The following MNAT1 variants were observed in gnomAD, a reference collection of about 807,000 sequenced individuals.
The protein encoded by MNAT1 is MNAT1 component of CDK activating kinase.
In MNAT1, 43 loss-of-function variants were observed where a neutral mutation model predicts 42.0. The ratio of observed to expected loss-of-function variants is 1.02; its 90% confidence interval spans 0.80 to 1.32. MNAT1 has a LOEUF of 1.32. Among genes scored for constraint, MNAT1 ranks in the 40% most tolerant of loss-of-function variants. The pLI is 0.00. For synonymous variants in MNAT1, 118 were observed against 120.0 expected, an observed-to-expected ratio of 0.98 and a Z score of 0.11; for missense variants, 306 against 350.4, an observed-to-expected ratio of 0.87 and a Z score of 1.01.
At chr14:60,792,858 G>T (rs763892963) in intron 1 of MNAT1, among the ~76,000 whole-genome samples, 17 of 152,104 alleles carry the variant, frequency 1.1e-4, no homozygotes, top group Non-Finnish European at 2.1e-4. Context: ...GAAAATTTGG[G>T]CTTCTTCAGC....
At position 60,803,785 on chromosome 14, in the gene MNAT1, T is replaced by C. The variant is rs1417963409; in HGVS notation, c.317-4540T>C. ...TGGAGATTGAAGTAATTTTGTTGTA[T>C]AAATTTCATTATGAATCTTTTGAAT... On this transcript the variant is annotated intron_variant, in intron 3 of 7. Transcript: ENST00000261245. Among the ~76,000 whole-genome samples, 9 of 152,312 alleles carry C rather than the reference T, an allele frequency of 5.9e-5. No individual in the cohort carries two copies. In the East Asian group the frequency reaches 1.7e-3, roughly 29 times the overall value.
chr14:60,963,286 G>A (rs530893977), intron 7 of MNAT1, among the ~76,000 whole-genome samples: 2 of 152,136 alleles, frequency 1.3e-5, no homozygotes, highest in Non-Finnish European at 2.9e-5. Context: ...AGCCGGCCAT[G>A]TATTTTTATA....
intron 7 of MNAT1, among the ~76,000 whole-genome samples, chr14:60,945,781 C>T (rs1177220000): frequency 6.6e-6 from 1 of 152,132 alleles, no homozygotes; most frequent in Non-Finnish European, 1.5e-5. Context: ...CAGATTGGTG[C>T]CATTCAGGTA....
At chr14:60,823,723 G>T (rs2032972242) in intron 6 of MNAT1, among the ~76,000 whole-genome samples, 1 of 152,132 alleles carries the variant, frequency 6.6e-6, no homozygotes, top group African/African-American at 2.4e-5. Flanking sequence ...GCCAGGCTTG[G>T]TGGCAGGCGC....
rs140689388 is a variant in MNAT1, at chr14:60,871,961, G to A, written c.688-7753G>A. On this transcript the variant is annotated intron_variant, in intron 6 of 7. Coordinates refer to ENST00000261245, the MANE Select transcript of MNAT1 (RefSeq NM_002431.4). ...TATAGGTAGTATTCTGAATTTGATCGAATTATAAAATATGTGGCTTGCAAG... is the reference window on the plus strand; with the variant it reads ...TATAGGTAGTATTCTGAATTTGATCAAATTATAAAATATGTGGCTTGCAAG... Among the ~76,000 whole-genome samples the A allele has an allele frequency of 2.8e-4, 42 of 152,178 alleles. No homozygotes were observed. The East Asian group carries it at 6.6e-3, about 24-fold the overall frequency.
rs1394647314 is a variant in MNAT1, at chr14:60,780,203, T to G, written c.90-16014T>G. The G allele has an allele frequency of 5.4e-6, 8 of 1,471,608 alleles. No individual in the cohort carries two copies. In the Admixed American group the frequency reaches 1.3e-4, roughly 25 times the overall value. 91.2% of individuals were successfully genotyped at this position (1,471,608 alleles called of 1,614,324 possible). ...TGTGGTGGAACAACTAAAAGATTGG[T>G]TATACAAGTGTTCAGTTCAGAAACT... On this transcript the variant is annotated intron_variant, in intron 1 of 7. Coordinates refer to ENST00000261245, the MANE Select transcript of MNAT1 (RefSeq NM_002431.4).
intron 7 of MNAT1, among the ~76,000 whole-genome samples, chr14:60,931,939 A>C (rs533493882): frequency 6.6e-6 from 1 of 152,064 alleles, no homozygotes; most frequent in African/African-American, 2.4e-5. Context: ...AGTCATTTTG[A>C]GAATTAAGTG....
chr14:60,779,105 A>C (rs2031353379), intron 1 of MNAT1, among the ~76,000 whole-genome samples: 2 of 152,146 alleles, frequency 1.3e-5, no homozygotes, highest in Non-Finnish European at 2.9e-5. Flanking sequence ...CAAAATCACT[A>C]GGGAAGAAAA....
At chr14:60,760,900 G>T (rs1387732489) in intron 1 of MNAT1, among the ~76,000 whole-genome samples, 2 of 152,156 alleles carry the variant, frequency 1.3e-5, no homozygotes, top group African/African-American at 4.8e-5. Flanking sequence ...TTTCATGATG[G>T]TAGCCTAGGT....
chr14:60,816,610 A>G (rs1042770563), intron 5 of MNAT1, among the ~76,000 whole-genome samples: 4 of 152,110 alleles, frequency 2.6e-5, no homozygotes, highest in Admixed American at 6.5e-5. Flanking sequence ...CAGGCAATTA[A>G]TACAGGTTAG....
chr14:60,743,393 ATTC>A (rs1037352571), intron 1 of MNAT1, among the ~76,000 whole-genome samples: 2 of 151,982 alleles, frequency 1.3e-5, no homozygotes, highest in Non-Finnish European at 2.9e-5. Context: ...GGTTCAAGCG[ATTC>A]TCCTGCCTCA....
intron 1 of MNAT1, among the ~76,000 whole-genome samples, chr14:60,742,059 C>T (rs76859743): frequency 7.9e-5 from 12 of 151,572 alleles, no homozygotes; most frequent in Non-Finnish European, 1.6e-4. Context: ...GCCTATTAGC[C>T]GGTAGCTTTT....
chr14:60,826,328 T>G (rs1023824872), intron 6 of MNAT1, among the ~76,000 whole-genome samples: 4 of 147,150 alleles, frequency 2.7e-5, no homozygotes, highest in Admixed American at 6.7e-5. Context: ...TTTTTTTTTT[T>G]TTTTTTGAGA....
intron 1 of MNAT1, among the ~76,000 whole-genome samples, chr14:60,770,517 G>A (rs1295315202): frequency 6.6e-6 from 1 of 152,002 alleles, no homozygotes; most frequent in Non-Finnish European, 1.5e-5. Flanking sequence ...CATAATGATT[G>A]CACCATTTTA....
intron 7 of MNAT1, among the ~76,000 whole-genome samples, chr14:60,927,725 G>A (rs1393186181): frequency 6.6e-6 from 1 of 152,076 alleles, no homozygotes; most frequent in Non-Finnish European, 1.5e-5. Context: ...TCTGCTCATT[G>A]TTGCTGCCTC....
At chr14:60,786,741 C>G (rs1041185972) in intron 1 of MNAT1, among the ~76,000 whole-genome samples, 1 of 152,110 alleles carries the variant, frequency 6.6e-6, no homozygotes, top group Non-Finnish European at 1.5e-5. Context: ...AAACTAGATT[C>G]TCACATCTGC....
At chr14:60,952,322 ATG>A (rs1046798424) in intron 7 of MNAT1, among the ~76,000 whole-genome samples, 2 of 152,194 alleles carry the variant, frequency 1.3e-5, no homozygotes, top group Non-Finnish European at 2.9e-5. Context: ...AATCCAATGA[ATG>A]TCTTTTTGCG....
At chr14:60,822,796 G>A (rs999599210) in intron 6 of MNAT1, among the ~76,000 whole-genome samples, 1 of 151,428 alleles carries the variant, frequency 6.6e-6, no homozygotes, top group Admixed American at 6.6e-5. Flanking sequence ...TTGGTCTGTC[G>A]ACCAGGCTGG....
At chr14:60,889,341 G>A (rs1352731421) in intron 7 of MNAT1, among the ~76,000 whole-genome samples, 2 of 152,078 alleles carry the variant, frequency 1.3e-5, no homozygotes, top group East Asian at 1.9e-4. Flanking sequence ...AGAAAAACAA[G>A]CAATGGGGAA....
Sources: allele counts gnomAD v4.1 joint callset (sites outside exome capture counted in the v4.1 genomes callset), GRCh38; gene constraint gnomAD v4.1.1; transcripts MANE v1.5; gene names NCBI Gene and HGNC (gene_info 2026-07-23, HGNC 2026-07-21).